The following FBXO16 variants were observed in gnomAD, a reference collection of about 807,000 sequenced individuals.
FBXO16 encodes the protein F-box protein 16, also known as F-box only protein 16.
FBXO16 carries 31 observed loss-of-function variants against 41.0 expected under a neutral mutation model. That is an observed-to-expected ratio of 0.76 (90% confidence interval 0.57 to 1.02). FBXO16 has a LOEUF of 1.02. Among genes scored for constraint, FBXO16 ranks in the 50% least tolerant of loss-of-function variants. FBXO16 has a pLI of 0.00. For missense variants in FBXO16, 361 were observed against 346.2 expected, an observed-to-expected ratio of 1.04 and a Z score of -0.34; for synonymous variants, 133 against 117.8, an observed-to-expected ratio of 1.13 and a Z score of -0.84.
Position 28,483,369 on chromosome 8 carries a change from G to C in FBXO16, c.78C>G (p.Asn26Lys). The change falls in exon 2 of 9, where the codon AAC becomes AAG. Residue 26 changes from asparagine (N) to lysine (K), a missense_variant. Asn to Lys is a moderately conservative substitution (Grantham distance 94, BLOSUM62 0). Coordinates refer to ENST00000380254, the MANE Select transcript of FBXO16 (RefSeq NM_172366.4). ...QTKMSTWTPLNHQLLNDRVFE... is the reference protein window; with the variant it reads ...QTKMSTWTPLKHQLLNDRVFE... ...TTACCCGGTCATTCAATAGCTGATG[G>C]TTTAGGGGTGTCCAGGTGCTCATCT... is the stretch of plus-strand genomic sequence containing the variant. 6.2e-7 allele frequency: 1 copy of C among 1,614,024 alleles called. No homozygotes were observed. Among genetic ancestry groups the C allele is most frequent in the South Asian group, 1.1e-5 (1 of 91,066 alleles).
intron 2 of FBXO16, among the ~76,000 whole-genome samples, chr8:28,482,673 C>T (rs933543260): frequency 6.6e-6 from 1 of 151,980 alleles, no homozygotes; most frequent in Non-Finnish European, 1.5e-5. Flanking sequence ...TGGGTTCAAG[C>T]GATTCTCCCG....
At chr8:28,471,805 CAAAA>C (rs557259701) in intron 3 of FBXO16, among the ~76,000 whole-genome samples, 49 of 23,748 alleles carry the variant, frequency 2.1e-3, no homozygotes, top group Non-Finnish European at 5.8e-3. Context: ...CAGAGAATCT[CAAAA>C]AAAAAAAAAA....
intron 3 of FBXO16, among the ~76,000 whole-genome samples, chr8:28,469,184 A>G (rs1031952889): frequency 6.6e-6 from 1 of 151,998 alleles, no homozygotes; most frequent in African/African-American, 2.4e-5. Context: ...ATGGTGGCAC[A>G]TGCCTGTAAT....
chr8:28,457,330 T>A (rs1803054652), intron 4 of FBXO16, among the ~76,000 whole-genome samples: 1 of 152,216 alleles, frequency 6.6e-6, no homozygotes, highest in Non-Finnish European at 1.5e-5. Flanking sequence ...TTATATAAAC[T>A]CAGGTCTGCA....
At chr8:28,431,434 A>G (rs967505696) in intron 7 of FBXO16, among the ~76,000 whole-genome samples, 1 of 152,234 alleles carries the variant, frequency 6.6e-6, no homozygotes, top group African/African-American at 2.4e-5. Context: ...GGGAAGTCCT[A>G]TAAATGGGTA....
chr8:28,484,006 A>C (rs1276234163), intron 1 of FBXO16, among the ~76,000 whole-genome samples: 1 of 152,176 alleles, frequency 6.6e-6, no homozygotes, highest in Non-Finnish European at 1.5e-5. Flanking sequence ...CATTTTACAC[A>C]CGAGGAAGAT....
At chr8:28,453,320 C>A (rs1802986148) in intron 5 of FBXO16, among the ~76,000 whole-genome samples, 1 of 151,538 alleles carries the variant, frequency 6.6e-6, no homozygotes, top group African/African-American at 2.4e-5. Flanking sequence ...ACAACTGCAG[C>A]TAATTTATTC....
chr8:28,441,056 CA>C (rs768367929), intron 7 of FBXO16, among the ~76,000 whole-genome samples: 40 of 152,088 alleles, frequency 2.6e-4, no homozygotes, highest in Non-Finnish European at 2.4e-4. Context: ...ATCTTGCTTC[CA>C]TGTGTAAATG....
intron 4 of FBXO16, among the ~76,000 whole-genome samples, chr8:28,460,114 TC>T (rs1803103090): frequency 6.6e-6 from 1 of 150,702 alleles, no homozygotes; most frequent in South Asian, 2.1e-4. Context: ...CCCTCTCCCA[TC>T]ACTATCCCCC....
chr8:28,439,611 G>A (rs989488952), intron 7 of FBXO16, among the ~76,000 whole-genome samples: 28 of 151,912 alleles, frequency 1.8e-4, no homozygotes, highest in African/African-American at 6.8e-4. Flanking sequence ...AGCCAGACTT[G>A]GTGGTGCACA....
chr8:28,451,808 C>A (rs1037228400), intron 6 of FBXO16, among the ~76,000 whole-genome samples: 3 of 151,728 alleles, frequency 2.0e-5, no homozygotes, highest in East Asian at 1.9e-4. Flanking sequence ...CATGGTGAAA[C>A]CCCTGTCTCT....
chr8:28,444,703 A>T (rs1802834608), intron 7 of FBXO16, among the ~76,000 whole-genome samples: 1 of 145,966 alleles, frequency 6.9e-6, no homozygotes, highest in Non-Finnish European at 1.5e-5. Context: ...GATGGTCTCG[A>T]TCTCCTGACC....
chr8:28,447,150 T>C (rs750695634), intron 7 of FBXO16, 21 bp downstream of exon 7: 1 of 1,582,484 alleles, frequency 6.3e-7, no homozygotes, highest in East Asian at 2.2e-5. Context: ...TGGTGATGAA[T>C]CTTTCATAAA....
chr8:28,439,105 AAAAAGAAAAG>A (rs1397069645), intron 7 of FBXO16, among the ~76,000 whole-genome samples: 1 of 151,530 alleles, frequency 6.6e-6, no homozygotes, highest in African/African-American at 2.4e-5. Context: ...AAAAAAAAAA[AAAAAGAAAAG>A]AAAAGAAAAG....
At chr8:28,482,632 G>A (rs1290788091) in intron 2 of FBXO16, among the ~76,000 whole-genome samples, 1 of 152,106 alleles carries the variant, frequency 6.6e-6, no homozygotes, top group Non-Finnish European at 1.5e-5. Context: ...GTGCAATGGT[G>A]TGATCTTGGC....
chr8:28,447,258 G>A lies in FBXO16; in HGVS notation c.756C>T (p.Asn252=), dbSNP rs1371585155. 2 of 1,612,726 alleles carry A rather than the reference G, an allele frequency of 1.2e-6. No individual in the cohort carries two copies. The highest frequency in any genetic ancestry group is 1.7e-6 in the Non-Finnish European group (2 of 1,179,766). The change falls in exon 7 of 9, where the codon AAC becomes AAT. Residue 252 remains asparagine, a synonymous_variant. Transcript: ENST00000380254. ...GTCGGCTGAAGTCTGGGGTCATTTG[G>A]TTTCTTTTTCTTCTTCTGTAAATTG... is the stretch of plus-strand genomic sequence containing the variant. ...ETVQQGRRKR[N]QMTPDFSRQS... is the part of the protein sequence containing the mutation.
At chr8:28,482,391 C>T (rs544015880) in intron 2 of FBXO16, among the ~76,000 whole-genome samples, 2 of 152,160 alleles carry the variant, frequency 1.3e-5, no homozygotes, top group African/African-American at 4.8e-5. Flanking sequence ...TTGCATACAG[C>T]GATTGGTCAC....
intron 4 of FBXO16, among the ~76,000 whole-genome samples, chr8:28,460,072 A>G (rs1803102367): frequency 6.6e-6 from 1 of 151,542 alleles, no homozygotes; most frequent in Non-Finnish European, 1.5e-5. Context: ...GTATGTGCAT[A>G]CTAATACCAA....
intron 2 of FBXO16, among the ~76,000 whole-genome samples, chr8:28,482,063 A>C (rs189628142): frequency 6.6e-6 from 1 of 152,264 alleles, no homozygotes; most frequent in Admixed American, 6.5e-5. Context: ...GACGGGGAGG[A>C]CCAGCAGAAC....
Sources: gnomAD v4.1 joint callset for allele counts (sites outside exome capture counted in the v4.1 genomes callset) on GRCh38, gnomAD v4.1.1 for gene constraint, MANE v1.5 for transcripts, NCBI Gene and HGNC (gene_info 2026-07-23, HGNC 2026-07-21) for gene names.